LEPR: variants seen among roughly 807,000 people sequenced by gnomAD.
LEPR encodes the protein leptin receptor, also known as OB receptor.
Under a neutral mutation model 114.7 loss-of-function variants are expected in LEPR, and 56 were observed. The ratio of observed to expected loss-of-function variants is 0.49; its 90% CI spans 0.39 to 0.61. The LOEUF is 0.61. Among genes scored for constraint, LEPR ranks in the 20% least tolerant of loss-of-function variants. LEPR has a pLI of 0.00. For missense variants in LEPR, 1,202 were observed against 1,352.9 expected, an observed-to-expected ratio of 0.89 and a Z score of 1.75; for synonymous variants, 443 against 461.4, an observed-to-expected ratio of 0.96 and a Z score of 0.51.
intron 1 of LEPR, chr1:65,421,589 T>C: frequency 9.7e-7 from 1 of 1,032,634 alleles, no homozygotes. Flanking sequence ...AACATGTAGA[T>C]AGTATATATA....
In LEPR at chr1:65,618,213, A is replaced by G. The variant is rs1379016957; in HGVS notation, c.2395+67A>G. On this transcript the variant is annotated intron_variant, in intron 16 of 19. Transcript: ENST00000349533. ...TATGACACTACAGATTATTAATTCT[A>G]TTAATATAGCCAGTTAATGAAAACT... 2.8e-6 allele frequency: 4 copies of G among 1,442,760 alleles called. No individual in the cohort carries two copies. In the African/African-American group the frequency reaches 5.6e-5, roughly 20 times the overall value. The allele number at this position is 1,442,760 out of a possible 1,614,324, so 89.4% of individuals were successfully genotyped here. A position where few individuals can be genotyped will look rare whatever the true frequency, so the allele number is the denominator to read the frequency against.
intron 2 of LEPR, among the ~76,000 whole-genome samples, chr1:65,548,339 G>T (rs774219097): frequency 1.1e-4 from 16 of 152,058 alleles, no homozygotes; most frequent in African/African-American, 3.9e-4. Flanking sequence ...TGGTGCAGAG[G>T]TGAGTTCAAT....
At chr1:65,575,445 G>A (rs1654517307) in intron 5 of LEPR, among the ~76,000 whole-genome samples, 1 of 143,552 alleles carries the variant, frequency 7.0e-6, no homozygotes, top group African/African-American at 2.6e-5. Context: ...TTAATTAAGT[G>A]CAACTATACT....
intron 2 of LEPR, chr1:65,525,899 G>T: frequency 1.1e-6 from 1 of 948,566 alleles, no homozygotes; most frequent in Non-Finnish European, 1.3e-6. Context: ...GCTTTGGGAC[G>T]CGCGTGGCAG....
intron 2 of LEPR, among the ~76,000 whole-genome samples, chr1:65,427,354 G>C (rs150479859): frequency 7.1e-4 from 108 of 152,240 alleles, no homozygotes; most frequent in African/African-American, 2.6e-3. Flanking sequence ...TAGGAGGATT[G>C]CTTGAAGCCA....
chr1:65,624,121 T>C (rs1476277471), intron 19 of LEPR, among the ~76,000 whole-genome samples: 1 of 152,182 alleles, frequency 6.6e-6, no homozygotes, highest in African/African-American at 2.4e-5. Flanking sequence ...AGCACTGAGA[T>C]ACATATTCTT....
chr1:65,513,498 C>A (rs1356953878), intron 2 of LEPR, among the ~76,000 whole-genome samples: 1 of 152,194 alleles, frequency 6.6e-6, no homozygotes, highest in Non-Finnish European at 1.5e-5. Context: ...AATAACACAG[C>A]CATTTCATTG....
At chr1:65,567,024 G>A (rs1203537676) in intron 3 of LEPR, among the ~76,000 whole-genome samples, 2 of 152,112 alleles carry the variant, frequency 1.3e-5, no homozygotes, top group Admixed American at 6.6e-5. Flanking sequence ...AGACTCTAGT[G>A]TTTTACATTG....
In LEPR at chr1:65,564,552, C is replaced by T. The variant is rs1339879617; in HGVS notation, c.-20-994C>T. On this transcript the variant is annotated intron_variant, in intron 2 of 19. Transcript: ENST00000349533. ...CTGGGAGCTGTAGACCGGAGCTGTT[C>T]CTATTCGGCCATCTTGGCTCCTCCG... 4.4e-5 allele frequency among the ~76,000 whole-genome samples: 4 copies of T among 91,794 alleles called. 1 individual carries two copies. The highest frequency in any genetic ancestry group is 1.8e-4 in the African/African-American group (4 of 22,266). The allele number at this position is 91,794 out of a possible 152,430, so 60.2% of individuals were successfully genotyped here. A position where few individuals can be genotyped will look rare whatever the true frequency, so the allele number is the denominator to read the frequency against.
intron 16 of LEPR, among the ~76,000 whole-genome samples, chr1:65,618,498 AT>A (rs999385007): frequency 3.0e-4 from 44 of 147,932 alleles, no homozygotes; most frequent in African/African-American, 5.0e-4. Context: ...GCTAATTAAA[AT>A]TTTTTTTTTT....
At chr1:65,594,975 G>A (rs1474470123) in intron 6 of LEPR, among the ~76,000 whole-genome samples, 1 of 152,034 alleles carries the variant, frequency 6.6e-6, no homozygotes, top group Non-Finnish European at 1.5e-5. Flanking sequence ...AACCTAAAAT[G>A]TATGACAGAT....
In LEPR at chr1:65,456,879, C is replaced by T. The variant is rs191740767; in HGVS notation, c.-21+31501C>T. Among the ~76,000 whole-genome samples the T allele has an allele frequency of 5.0e-3, 763 of 152,170 alleles. 8 individuals are homozygous for T. The highest frequency in any genetic ancestry group is 0.018 in the African/African-American group (735 of 41,534). On this transcript the variant is annotated intron_variant, in intron 2 of 19. Coordinates refer to ENST00000349533, the MANE Select transcript of LEPR (RefSeq NM_002303.6). ...TATTTGTTGCCCTTGTTCTTTGACCCTGTTTTTGTCTTCCACTCTTTTTCT... is the reference window on the plus strand; with the variant it reads ...TATTTGTTGCCCTTGTTCTTTGACCTTGTTTTTGTCTTCCACTCTTTTTCT...
intron 2 of LEPR, among the ~76,000 whole-genome samples, chr1:65,541,185 T>A (rs1651169227): frequency 1.3e-5 from 2 of 152,194 alleles, no homozygotes; most frequent in African/African-American, 2.4e-5. Context: ...TGTAAAAAAA[T>A]TAATAAAATG....
chr1:65,596,264 A>G (rs1249914448), intron 6 of LEPR, among the ~76,000 whole-genome samples, 184 bp from the exon 7 acceptor site: 1 of 152,122 alleles, frequency 6.6e-6, no homozygotes, highest in East Asian at 1.9e-4. Context: ...TGCTATGATA[A>G]GGTACAAGGA....
At chr1:65,580,877 T>C (rs1654935955) in intron 5 of LEPR, among the ~76,000 whole-genome samples, 1 of 152,138 alleles carries the variant, frequency 6.6e-6, no homozygotes, top group African/African-American at 2.4e-5. Context: ...GAGGCACAGA[T>C]ACCACATGGC....
chr1:65,464,739 C>CA (rs1491422190), intron 2 of LEPR, among the ~76,000 whole-genome samples: 3 of 152,048 alleles, frequency 2.0e-5, no homozygotes, highest in Non-Finnish European at 4.4e-5. Context: ...CAACTTCTTC[C>CA]ACTGGTTTAG....
intron 10 of LEPR, among the ~76,000 whole-genome samples, chr1:65,604,097 C>T (rs1399988431): frequency 6.6e-6 from 1 of 151,972 alleles, no homozygotes; most frequent in Non-Finnish European, 1.5e-5. Context: ...ATCACTAATA[C>T]ATAATGTTTG....
intron 2 of LEPR, among the ~76,000 whole-genome samples, chr1:65,469,271 C>A (rs1257215226): frequency 6.6e-6 from 1 of 152,100 alleles, no homozygotes; most frequent in Non-Finnish European, 1.5e-5. Context: ...TGAGATCATT[C>A]TGTGAGAGTA....
At chr1:65,431,990 C>T (rs1646492019) in intron 2 of LEPR, 1 of 1,494,716 alleles carries the variant, frequency 6.7e-7, no homozygotes, top group Non-Finnish European at 8.9e-7. Context: ...GCACATGCGG[C>T]ATTTTACTAT....
Sources: allele counts gnomAD v4.1 joint callset (sites outside exome capture counted in the v4.1 genomes callset), GRCh38; gene constraint gnomAD v4.1.1; transcripts MANE v1.5; gene names NCBI Gene and HGNC (gene_info 2026-07-23, HGNC 2026-07-21).